The following APOB variants were observed in gnomAD, a reference collection of about 807,000 sequenced individuals.
APOB encodes the protein apolipoprotein B-100.
A neutral mutation model predicts 314.1 loss-of-function variants in APOB; 153 were observed. The ratio of observed to expected loss-of-function variants is 0.49; its 90% CI spans 0.43 to 0.56. The LOEUF (loss-of-function observed/expected upper bound fraction) is 0.56, where lower values mean the gene tolerates loss of function less well. APOB is among the 20% of genes least tolerant of loss of function. APOB has a pLI of 0.00. For synonymous variants in APOB, 2,087 were observed against 2,036.4 expected (o/e 1.02, Z -0.67); for missense variants, 5,430 against 5,350.7 (o/e 1.01, Z -0.46).
Position 21,012,457 on chromosome 2 carries a change from A to G in APOB, c.4411T>C (p.Leu1471=), listed in dbSNP as rs542169352. Residue 1471 remains leucine (L), a synonymous_variant, in exon 26 of 29, where the codon TTG becomes CTG. Coordinates refer to ENST00000233242, the MANE Select transcript of APOB (RefSeq NM_000384.3). The stretch of plus-strand genomic sequence containing the variant: ...AAATGCTGTTTCTTTTTGGAGTCCA[A>G]ATGAACTGAAGCAGACATCTGTGGT... The part of the protein sequence containing the change: ...WGPQMSASVH[L]DSKKKQHLFV... 3.3e-5 allele frequency: 53 copies of G among 1,614,170 alleles called. 1 individual carries two copies. The South Asian group carries it at 3.8e-4, about 12-fold the overall frequency.
chr2:21,012,082 C>T lies in APOB; in HGVS notation c.4786G>A (p.Ala1596Thr). 1.2e-6 allele frequency: 2 copies of T among 1,614,062 alleles called. No homozygotes were observed. The highest frequency in any genetic ancestry group is 8.5e-7 in the Non-Finnish European group (1 of 1,179,970). Residue 1596 changes from alanine to threonine, a missense_variant, in exon 26 of 29, where the codon GCA becomes ACA. By Grantham distance (58) the Ala-to-Thr change is moderately conservative. Transcript: ENST00000233242. ...KMDMTFSKQN[A>T]LLRSEYQADY... ...GCCTGATATTCAGAACGCAGCAGTG[C>T]ATTTTGCTTAGAGAAGGTCATATCC...
Position 21,010,212 on chromosome 2 carries a change from C to A in APOB, c.6656G>T (p.Arg2219Leu). The A allele has an allele frequency of 6.3e-7, 1 of 1,588,046 alleles. No homozygotes were observed. The highest frequency in any genetic ancestry group is 2.3e-5 in the East Asian group (1 of 44,316). Residue 2219 changes from arginine to leucine, a missense_variant, in exon 26 of 29, where the codon CGT (arginine) becomes CTT (leucine). Arg to Leu is a moderately radical substitution (Grantham distance 102). Coordinates refer to ENST00000233242, the MANE Select transcript of APOB (RefSeq NM_000384.3). ...LKSLDEHYHIRVNLVKTIHDL... is the reference protein window; with the variant it reads ...LKSLDEHYHILVNLVKTIHDL... ...ATGGATTGTTTTTACTAAATTTACA[C>A]GGATATGATAGTGCTCATCAAGACT... is the stretch of plus-strand genomic sequence containing the variant.
chr2:21,035,565 G>C lies in APOB; in HGVS notation c.818+19C>G. On this transcript the variant is annotated intron_variant, in intron 7 of 28. Transcript: ENST00000233242. The stretch of plus-strand genomic sequence containing the variant: ...CTGACCCATTAAATGACAAATCAGG[G>C]GTGCATCACATGACCTACTTGTAGG... The C allele has an allele frequency of 6.2e-7, 1 of 1,613,754 alleles. No homozygotes were observed. The highest frequency in any genetic ancestry group is 2.2e-5 in the East Asian group (1 of 44,858).
Position 21,026,855 on chromosome 2 carries a change from A to C in APOB, c.2177T>G (p.Val726Gly). 1 of 1,614,134 alleles carries C rather than the reference A, an allele frequency of 6.2e-7. No individual in the cohort carries two copies. The highest frequency in any genetic ancestry group is 1.1e-5 in the South Asian group (1 of 91,080). Residue 726 changes from valine (V) to glycine (G), a missense_variant, in exon 15 of 29, where the codon GTT (valine) becomes GGT (glycine). By Grantham distance (109) the Val-to-Gly change is moderately radical. This residue lies in a region of APOB where 2,085 missense variants were observed against 2,079.7 expected (regional missense o/e 1.00). Transcript: ENST00000233242. ...NKALYWVNGQ[V>G]PDGVSKVLVD... is the part of the protein sequence containing the mutation. Reference sequence around the variant, plus strand: ...TAAGACCTTAGAGACACCATCAGGAACTTGACCATTAACCCAGTACAAAGC... The same window carrying C: ...TAAGACCTTAGAGACACCATCAGGACCTTGACCATTAACCCAGTACAAAGC...
chr2:21,013,285 C>G lies in APOB; in HGVS notation c.4091G>C (p.Ser1364Thr). Residue 1364 changes from serine (S) to threonine (T), a missense_variant, in exon 25 of 29, where the codon AGC becomes ACC. By Grantham distance (58) the Ser-to-Thr change is moderately conservative. Transcript: ENST00000233242. ...GGAGGCGGACCAGTTGTACAAGTTGCTGTAGACATTCGTGGAGAGGTCTAG... is the reference window on the plus strand; with the variant it reads ...GGAGGCGGACCAGTTGTACAAGTTGGTGTAGACATTCGTGGAGAGGTCTAG... ...GVLDLSTNVY[S>T]NLYNWSASYS... 6.2e-7 allele frequency: 1 copy of G among 1,614,212 alleles called. No homozygotes were observed. The highest frequency in any genetic ancestry group is 8.5e-7 in the Non-Finnish European group (1 of 1,180,036).
chr2:21,029,101 C>T (rs1663815499), intron 12 of APOB, among the ~76,000 whole-genome samples: 1 of 152,196 alleles, frequency 6.6e-6, no homozygotes, highest in Non-Finnish European at 1.5e-5. Context: ...GTATTTCTCT[C>T]ACGTCACATA....
chr2:21,002,691 G>A lies in APOB; in HGVS notation c.12731C>T (p.Ser4244Phe). Residue 4244 changes from serine to phenylalanine, a missense_variant, in exon 29 of 29, where the codon TCC (serine) becomes TTC (phenylalanine). This residue lies in a region of APOB where 3,281 missense variants were observed against 3,171.0 expected (regional missense o/e 1.03). Coordinates refer to ENST00000233242, the MANE Select transcript of APOB (RefSeq NM_000384.3). The stretch of plus-strand genomic sequence containing the variant: ...TGTAATCACTAGGTCTTGGAAATAG[G>A]AAAACAGTATTTCTGAACCATTATG... ...KVHNGSEILF[S>F]YFQDLVITLP... 1 of 1,613,748 alleles carries A rather than the reference G, an allele frequency of 6.2e-7. No individual in the cohort carries two copies. The highest frequency in any genetic ancestry group is 2.2e-5 in the East Asian group (1 of 44,874).
rs755661819 is a variant in APOB at position 21,037,104 on chromosome 2, C to G, written c.689G>C (p.Gly230Ala). The G allele has an allele frequency of 7.4e-6, 12 of 1,614,172 alleles. No individual in the cohort carries two copies. The South Asian group carries it at 1.1e-4, about 15-fold the overall frequency. The change falls in exon 6 of 29, where the codon GGC becomes GCC. Residue 230 changes from glycine to alanine, a missense_variant. Around this residue, in one of 3 missense-constraint regions of APOB, gnomAD observed 2,085 missense variants for 2,079.7 expected, o/e 1.00. Transcript: ENST00000233242. ...TGISPLALIK[G>A]MTRPLSTLIS... ...CAGTGCTGACATGGGACTTACCATG[C>G]CTTTGATGAGAGCAAGTGGGCTGAT...
intron 11 of APOB, 25 bp downstream of exon 11, chr2:21,029,873 A>G: frequency 1.2e-6 from 2 of 1,608,372 alleles, no homozygotes; most frequent in African/African-American, 1.3e-5. Context: ...GAAATGATGT[A>G]TGTCATATAA....
At chr2:21,003,356 A>G (rs1194683428) in intron 28 of APOB, 22 bp from the exon 29 acceptor site, 1 of 1,601,502 alleles carries the variant, frequency 6.2e-7, no homozygotes, top group Non-Finnish European at 8.5e-7. Context: ...GAAAAAAAAA[A>G]ATAACATGTT....
Position 21,009,967 on chromosome 2 carries a change from A to G in APOB, c.6901T>C (p.Leu2301=), listed in dbSNP as rs774109554. Residue 2301 remains leucine, a synonymous_variant, in exon 26 of 29, where the codon TTG becomes CTG. Coordinates refer to ENST00000233242, the MANE Select transcript of APOB (RefSeq NM_000384.3). ...AIDVRVLLDQ[L]GTTISFERIN... ...CTTTCAAATGAAATTGTAGTTCCCA[A>G]TTGATCTAAAAGCACTCTAACATCA... 6.2e-7 allele frequency: 1 copy of G among 1,613,842 alleles called. No homozygotes were observed. Among genetic ancestry groups the G allele is most frequent in the South Asian group, 1.1e-5 (1 of 91,074 alleles).
chr2:21,040,500 G>A (rs1253643759), intron 4 of APOB, among the ~76,000 whole-genome samples: 1 of 152,154 alleles, frequency 6.6e-6, no homozygotes, highest in African/African-American at 2.4e-5. Context: ...GTGGCTGAAT[G>A]CCAGCCTAGG....
intron 26 of APOB, 28 bp downstream of exon 26, chr2:21,005,048 GTATC>G: frequency 1.2e-6 from 2 of 1,608,776 alleles, no homozygotes; most frequent in Non-Finnish European, 1.7e-6. Context: ...AAAATATACA[GTATC>G]TAGGAGAGGA....
Position 21,037,335 on chromosome 2 carries a change from C to T in APOB, c.538-80G>A, listed in dbSNP as rs551873600. 9.3e-5 allele frequency: 132 copies of T among 1,420,514 alleles called. 2 individuals are homozygous for T. In the South Asian group the frequency reaches 1.5e-3, roughly 16 times the overall value. The allele number at this position is 1,420,514 out of a possible 1,614,324, so 88.0% of individuals were successfully genotyped here. On this transcript the variant is annotated intron_variant, in intron 5 of 28. Transcript: ENST00000233242. ...TACTTGGGAGGGATGGGGTGGGGAT[C>T]GTGAAAGAAAAAGCAGAAGGAATCT... is the stretch of plus-strand genomic sequence containing the variant.
chr2:21,034,849 T>G lies in APOB; in HGVS notation c.871A>C (p.Thr291Pro). 6.2e-7 allele frequency: 1 copy of G among 1,606,544 alleles called. No homozygotes were observed. Among genetic ancestry groups the G allele is most frequent in the Non-Finnish European group, 8.5e-7 (1 of 1,173,022 alleles). Residue 291 changes from threonine (T) to proline (P), a missense_variant, in exon 8 of 29, where the codon ACA becomes CCA. This residue lies in a region of APOB where 2,085 missense variants were observed against 2,079.7 expected (regional missense o/e 1.00). Coordinates refer to ENST00000233242, the MANE Select transcript of APOB (RefSeq NM_000384.3). Reference sequence around the variant, plus strand: ...AAGAAGCGGCTGTTGATCTTTGGTGTGTCTTCAAGTTTCAAAGTCTGTGTC... The same window carrying G: ...AAGAAGCGGCTGTTGATCTTTGGTGGGTCTTCAAGTTTCAAAGTCTGTGTC... Reference protein sequence around the residue: ...QVTQTLKLEDTPKINSRFFGE... With the variant: ...QVTQTLKLEDPPKINSRFFGE...
intron 18 of APOB, among the ~76,000 whole-genome samples, chr2:21,021,623 C>A: frequency 6.6e-6 from 1 of 152,186 alleles, no homozygotes; most frequent in East Asian, 1.9e-4. Flanking sequence ...GCACTTCTTC[C>A]AGTTCCTTGA....
Position 21,004,412 on chromosome 2 carries a change from C to T in APOB, c.11944G>A (p.Ala3982Thr), listed in dbSNP as rs1291270341. ...TAGCGCAGATGGAGATCGGTGAACGCTGGGCTTTTGATATTGAGGTGCGCT... is the reference window on the plus strand; with the variant it reads ...TAGCGCAGATGGAGATCGGTGAACGTTGGGCTTTTGATATTGAGGTGCGCT... ...GKAHLNIKSPAFTDLHLRYQK... is the reference protein window; with the variant it reads ...GKAHLNIKSPTFTDLHLRYQK... The change falls in exon 28 of 29, where the codon GCG becomes ACG. Residue 3982 changes from alanine (A) to threonine (T), a missense_variant. Ala to Thr is a moderately conservative substitution (Grantham distance 58, BLOSUM62 0). This residue lies in a region of APOB where 3,281 missense variants were observed against 3,171.0 expected (regional missense o/e 1.03). Transcript: ENST00000233242. The T allele has an allele frequency of 6.2e-7, 1 of 1,614,008 alleles. No homozygotes were observed. The highest frequency in any genetic ancestry group is 8.5e-7 in the Non-Finnish European group (1 of 1,179,932).
chr2:21,018,991 C>T lies in APOB; in HGVS notation c.3121+1G>A. On this transcript the variant is annotated splice_donor_variant, in intron 20 of 28. Transcript: ENST00000233242. LOFTEE classifies it high-confidence loss of function. ...GAGGCAGCTGTGTTTTGAATACTCACCTTCTGCTTGAGTTACAAACTTCAG... is the reference window on the plus strand; with the variant it reads ...GAGGCAGCTGTGTTTTGAATACTCATCTTCTGCTTGAGTTACAAACTTCAG... The T allele has an allele frequency of 6.2e-7, 1 of 1,614,004 alleles. No homozygotes were observed. The highest frequency in any genetic ancestry group is 8.5e-7 in the Non-Finnish European group (1 of 1,179,982).
rs1179956736 is a variant in APOB, at chr2:21,009,836, T to G, written c.7032A>C (p.Leu2344Phe). Reference protein sequence around the residue: ...INAFRAKVHELIERYEVDQQI... With the variant: ...INAFRAKVHEFIERYEVDQQI... ...GTTGGTCTACTTCATACCTCTCGAT[T>G]AACTCATGGACTTTGGCTCTGAAGG... Residue 2344 changes from leucine to phenylalanine, a missense_variant, in exon 26 of 29, where the codon TTA becomes TTC. Physicochemically the swap from Leu to Phe is conservative, Grantham distance 22. Coordinates refer to ENST00000233242, the MANE Select transcript of APOB (RefSeq NM_000384.3). The G allele has an allele frequency of 6.2e-7, 1 of 1,614,066 alleles. No individual in the cohort carries two copies. Among genetic ancestry groups the G allele is most frequent in the Non-Finnish European group, 8.5e-7 (1 of 1,179,980 alleles).
Sources: gnomAD v4.1 joint callset for allele counts (sites outside exome capture counted in the v4.1 genomes callset) on GRCh38, gnomAD v4.1.1 for gene constraint, gnomAD v4.1.1 regional missense constraint, MANE v1.5 for transcripts, NCBI Gene and HGNC (gene_info 2026-07-23, HGNC 2026-07-21) for gene names.